The following DCC variants were observed in gnomAD, a reference collection of about 807,000 sequenced individuals.
DCC encodes DCC netrin 1 receptor, also known as netrin receptor DCC.
Under a neutral mutation model 172.5 loss-of-function variants are expected in DCC, and 58 were observed. That is an observed-to-expected ratio of 0.34 (90% CI 0.27 to 0.42). The LOEUF (loss-of-function observed/expected upper bound fraction) is 0.42. DCC is among the 10% of genes least tolerant of loss of function. The probability of loss-of-function intolerance (pLI) is 1.00; values close to 1 mark genes in which losing one functional copy is unlikely to be tolerated. For missense variants in DCC, 1,740 were observed against 1,791.0 expected (o/e 0.97, Z 0.51); for synonymous variants, 709 against 644.5 (o/e 1.10, Z -1.52).
chr18:52,877,426 C>A (rs574913037), intron 2 of DCC, among the ~76,000 whole-genome samples: 1 of 152,002 alleles, frequency 6.6e-6, no homozygotes, highest in Admixed American at 6.6e-5. Flanking sequence ...GTAAAGTTTT[C>A]GGCAAGGTGC....
intron 1 of DCC, among the ~76,000 whole-genome samples, chr18:52,665,499 TGG>T (rs2035446240): frequency 1.3e-5 from 2 of 152,240 alleles, no homozygotes; most frequent in African/African-American, 4.8e-5. Flanking sequence ...TACATTTTGC[TGG>T]TGTGTGGAGC....
intron 5 of DCC, among the ~76,000 whole-genome samples, chr18:52,942,401 T>C (rs1474529776): frequency 6.6e-6 from 1 of 152,206 alleles, no homozygotes; most frequent in Admixed American, 6.5e-5. Flanking sequence ...CTATTTAGTA[T>C]GGAAAGACTG....
intron 27 of DCC, among the ~76,000 whole-genome samples, chr18:53,503,897 A>G (rs1229652607): frequency 6.6e-6 from 1 of 151,954 alleles, no homozygotes; most frequent in Non-Finnish European, 1.5e-5. Flanking sequence ...GCAAAACTCC[A>G]GAGCATTCTG....
chr18:52,624,540 G>C (rs1009578156), intron 1 of DCC, among the ~76,000 whole-genome samples: 1 of 152,154 alleles, frequency 6.6e-6, no homozygotes, highest in African/African-American at 2.4e-5. Context: ...TAGTTTTCAA[G>C]AATCACAAGC....
At chr18:53,066,797 C>T (rs552242159) in intron 7 of DCC, among the ~76,000 whole-genome samples, 4 of 151,998 alleles carry the variant, frequency 2.6e-5, no homozygotes, top group Non-Finnish European at 5.9e-5. Flanking sequence ...GTTTAATTGG[C>T]TCATGGTTCC....
At chr18:53,079,318 T>G (rs1365236621) in intron 7 of DCC, among the ~76,000 whole-genome samples, 1 of 152,018 alleles carries the variant, frequency 6.6e-6, no homozygotes, top group African/African-American at 2.4e-5. Context: ...CTTCTCATTA[T>G]TTAATGTGAG....
chr18:52,395,866 T>TCCAGAGCTCAACCTATTCCACAAC (rs1176379861), intron 1 of DCC, among the ~76,000 whole-genome samples: 13 of 152,130 alleles, frequency 8.5e-5, no homozygotes, highest in Middle Eastern at 3.4e-3. Flanking sequence ...TATTCTACAA[T>TCCAGAGCTCAACCTATTCCACAAC]CCAGAGCTCA....
intron 12 of DCC, among the ~76,000 whole-genome samples, chr18:53,251,285 T>C (rs1420651133): frequency 2.6e-5 from 4 of 151,974 alleles, no homozygotes; most frequent in Non-Finnish European, 4.4e-5. Flanking sequence ...AAGGTAACAT[T>C]TTCCATAATC....
At chr18:52,382,830 A>G (rs1302424628) in intron 1 of DCC, among the ~76,000 whole-genome samples, 2 of 152,074 alleles carry the variant, frequency 1.3e-5, no homozygotes, top group Non-Finnish European at 2.9e-5. Flanking sequence ...TGTAATACTC[A>G]GGTGCCTGTG....
intron 12 of DCC, among the ~76,000 whole-genome samples, chr18:53,283,867 A>C (rs1423290334): frequency 1.3e-5 from 2 of 151,688 alleles, no homozygotes; most frequent in Non-Finnish European, 2.9e-5. Context: ...TTGCTTCATA[A>C]AAGACAGCAG....
At chr18:52,801,735 C>A (rs925467531) in intron 2 of DCC, among the ~76,000 whole-genome samples, 4 of 152,198 alleles carry the variant, frequency 2.6e-5, no homozygotes, top group Non-Finnish European at 5.9e-5. Context: ...TAACATCTTA[C>A]ATGACAGTGG....
intron 5 of DCC, among the ~76,000 whole-genome samples, chr18:53,041,170 C>T (rs950528215): frequency 1.1e-4 from 16 of 151,992 alleles, no homozygotes; most frequent in South Asian, 2.1e-4. Flanking sequence ...GTCTTTAATC[C>T]GACTTGAATT....
chr18:52,782,636 A>G (rs181008265), intron 2 of DCC, among the ~76,000 whole-genome samples: 248 of 152,152 alleles, frequency 1.6e-3, no homozygotes, highest in Non-Finnish European at 2.9e-3. Context: ...CTCCATGTGC[A>G]TCTTTCTTCC....
chr18:53,070,168 T>C (rs2042633477), intron 7 of DCC, among the ~76,000 whole-genome samples: 4 of 152,086 alleles, frequency 2.6e-5, no homozygotes, highest in Admixed American at 2.0e-4. Flanking sequence ...TATTTATTTA[T>C]TGGTATTTTT....
chr18:52,568,978 T>C (rs2033230373), intron 1 of DCC, among the ~76,000 whole-genome samples: 1 of 152,226 alleles, frequency 6.6e-6, no homozygotes, highest in Admixed American at 6.5e-5. Flanking sequence ...CTCCCATTGA[T>C]TGAGATACAG....
rs115704821 is a variant in DCC, at chr18:52,817,174, A to C, written c.412+64800A>C. ...GAAATACCAGAAAATCAATATATACATATGTAAGAATGGAAAAATGAATAA... is the reference window on the plus strand; with the variant it reads ...GAAATACCAGAAAATCAATATATACCTATGTAAGAATGGAAAAATGAATAA... On this transcript the variant is annotated intron_variant, in intron 2 of 28. Coordinates refer to ENST00000442544, the MANE Select transcript of DCC (RefSeq NM_005215.4). Among the ~76,000 whole-genome samples, 383 of 152,300 alleles carry C rather than the reference A, an allele frequency of 2.5e-3. 1 individual carries two copies. Among genetic ancestry groups the C allele is most frequent in the African/African-American group, 8.9e-3 (372 of 41,578 alleles).
chr18:53,032,195 A>T (rs1306051182), intron 5 of DCC, among the ~76,000 whole-genome samples: 2 of 152,214 alleles, frequency 1.3e-5, no homozygotes, highest in Non-Finnish European at 2.9e-5. Flanking sequence ...AAATAAAAAA[A>T]TACAAAACTT....
chr18:53,201,174 G>C (rs993269699), intron 9 of DCC, among the ~76,000 whole-genome samples: 2 of 152,132 alleles, frequency 1.3e-5, no homozygotes, highest in African/African-American at 4.8e-5. Context: ...GGTTCTGTTT[G>C]GGAAACTAGG....
At chr18:52,345,441 G>A (rs1437655850) in intron 1 of DCC, among the ~76,000 whole-genome samples, 1 of 152,104 alleles carries the variant, frequency 6.6e-6, no homozygotes, top group Middle Eastern at 3.2e-3. Flanking sequence ...AGTTTCATGA[G>A]TTGTCACAAC....
Sources: gnomAD v4.1 joint callset for allele counts (sites outside exome capture counted in the v4.1 genomes callset) on GRCh38, gnomAD v4.1.1 for gene constraint, MANE v1.5 for transcripts, NCBI Gene and HGNC (gene_info 2026-07-23, HGNC 2026-07-21) for gene names.